ACOX3: variants seen among roughly 807,000 people sequenced by gnomAD.
ACOX3 encodes the protein acyl-CoA oxidase 3, pristanoyl.
Under a neutral mutation model 81.5 loss-of-function variants are expected in ACOX3, and 73 were observed. The ratio of observed to expected loss-of-function variants is 0.90; its 90% confidence interval spans 0.74 to 1.09. The LOEUF is 1.09. ACOX3 is among the 50% of genes least tolerant of loss of function. ACOX3 has a pLI of 0.00. For synonymous variants in ACOX3, 387 were observed against 375.1 expected, an observed-to-expected ratio of 1.03 and a Z score of -0.37; for missense variants, 947 against 928.0, an observed-to-expected ratio of 1.02 and a Z score of -0.27.
intron 17 of ACOX3, among the ~76,000 whole-genome samples, chr4:8,367,751 C>G (rs1715636302): frequency 8.1e-6 from 1 of 123,882 alleles, no homozygotes; most frequent in African/African-American, 3.0e-5. Context: ...AGGCAGATCA[C>G]TGGAGCTCAG....
chr4:8,398,024 G>A (rs1719917117), intron 8 of ACOX3, among the ~76,000 whole-genome samples: 1 of 152,196 alleles, frequency 6.6e-6, no homozygotes, highest in Non-Finnish European at 1.5e-5. Context: ...AGCCAGGCCT[G>A]GCGGCGGGTG....
intron 7 of ACOX3, among the ~76,000 whole-genome samples, chr4:8,402,795 C>CT (rs1720515068): frequency 6.6e-6 from 1 of 152,218 alleles, no homozygotes. Flanking sequence ...CACGGGAGGC[C>CT]TGAGTGTGGC....
At chr4:8,428,441 G>T (rs1355749290) in intron 1 of ACOX3, 2 of 152,426 alleles carry the variant, frequency 1.3e-5, no homozygotes, top group African/African-American at 4.8e-5. Flanking sequence ...CTCTGGCCTG[G>T]CCCCACTGCT....
chr4:8,386,748 C>T lies in ACOX3; in HGVS notation c.1537+2425G>A, dbSNP rs926189139. On this transcript the variant is annotated intron_variant, in intron 13 of 17. Transcript: ENST00000356406. The surrounding 1 kb of genome is among the most constrained non-coding windows in gnomAD (Gnocchi z 5.2). ...CAGTGATGCAGACGCTTCCTGATGA[C>T]GATGCTGACGGTGCGGGCAGGGGAA... Among the ~76,000 whole-genome samples, 1 of 152,110 alleles carries T rather than the reference C, an allele frequency of 6.6e-6. No individual in the cohort carries two copies. The highest frequency in any genetic ancestry group is 2.4e-5 in the African/African-American group (1 of 41,412).
At chr4:8,440,110 T>C (rs1724516055) in intron 1 of ACOX3, among the ~76,000 whole-genome samples, 1 of 152,242 alleles carries the variant, frequency 6.6e-6, no homozygotes. Flanking sequence ...GTTAGCTGAT[T>C]CATGTAGCCC....
chr4:8,368,976 A>C lies in ACOX3; in HGVS notation c.1984-1896T>G, dbSNP rs1056021123. Among the ~76,000 whole-genome samples the C allele has an allele frequency of 1.3e-5, 2 of 152,154 alleles. No individual in the cohort carries two copies. The highest frequency in any genetic ancestry group is 4.8e-5 in the African/African-American group (2 of 41,436). Reference sequence around the variant, plus strand: ...ATAACAGGTGTGAGCCACCATGCTCAGCCAGGAATGCACGTTTAATAAACC... The same window carrying C: ...ATAACAGGTGTGAGCCACCATGCTCCGCCAGGAATGCACGTTTAATAAACC... On this transcript the variant is annotated intron_variant, in intron 17 of 17. Transcript: ENST00000356406. This position sits in a 1 kb window ranked among gnomAD's most constrained non-coding sequence, Gnocchi z 5.9.
intron 9 of ACOX3, among the ~76,000 whole-genome samples, chr4:8,395,256 G>A (rs1399745152): frequency 7.2e-6 from 1 of 138,124 alleles, no homozygotes; most frequent in African/African-American, 2.6e-5. Context: ...ATGGGGGGGT[G>A]GGTGGGTGGG....
chr4:8,424,843 G>A (rs754347312), intron 1 of ACOX3, among the ~76,000 whole-genome samples: 7 of 150,988 alleles, frequency 4.6e-5, no homozygotes, highest in Admixed American at 6.6e-5. Context: ...GTATACTGAC[G>A]GAAGTTCCTT....
intron 17 of ACOX3, among the ~76,000 whole-genome samples, chr4:8,369,513 C>A (rs563403708): frequency 1.4e-4 from 21 of 152,296 alleles, no homozygotes; most frequent in Non-Finnish European, 2.8e-4. Flanking sequence ...GTGGTCAGTC[C>A]CCGATGCAGG....
At chr4:8,355,706 T>C in the ACOX3 span, 3 of 152,118 alleles carry the variant, frequency 2.0e-5, no homozygotes, top group South Asian at 2.1e-4. Flanking sequence ...ATGTAAACTA[T>C]AGCAGGTTAC....
chr4:8,396,836 A>G, intron 9 of ACOX3, 101 bp downstream of exon 9: 1 of 1,376,800 alleles, frequency 7.3e-7, no homozygotes, highest in Non-Finnish European at 1.0e-6. Context: ...TTGCCTTAAG[A>G]GCTTTGATCA....
Position 8,416,297 on chromosome 4 carries a change from G to T in ACOX3, c.144+81C>A. On this transcript the variant is annotated intron_variant, in intron 2 of 17. Transcript: ENST00000356406. This position sits in a 1 kb window ranked among gnomAD's most constrained non-coding sequence, Gnocchi z 4.2. ...CCTCGCCCGGCAGAGGAGGAGCTGT[G>T]AGAGCCAGAAATCCCATTCTGCTAA... The T allele has an allele frequency of 6.2e-7, 1 of 1,609,334 alleles. No homozygotes were observed. The highest frequency in any genetic ancestry group is 1.1e-5 in the South Asian group (1 of 90,728).
rs1194226327 is a variant in ACOX3, at chr4:8,403,150, G to A, written c.776+2805C>T. Among the ~76,000 whole-genome samples, 3 of 152,336 alleles carry A rather than the reference G, an allele frequency of 2.0e-5. No individual in the cohort carries two copies. The South Asian group carries it at 6.2e-4, about 32-fold the overall frequency. On this transcript the variant is annotated intron_variant, in intron 7 of 17. Coordinates refer to ENST00000356406, the MANE Select transcript of ACOX3 (RefSeq NM_003501.3). Reference sequence around the variant, plus strand: ...ATTTACGTTTACCTTGGATTTGTAGGCAGTCATCCCACATACTCAGGAGTT... The same window carrying A: ...ATTTACGTTTACCTTGGATTTGTAGACAGTCATCCCACATACTCAGGAGTT...
chr4:8,433,127 C>A (rs1724043317), intron 1 of ACOX3, among the ~76,000 whole-genome samples: 1 of 152,230 alleles, frequency 6.6e-6, no homozygotes, highest in Non-Finnish European at 1.5e-5. Flanking sequence ...TTTCTCCCTG[C>A]TCCCTGGACC....
intron 1 of ACOX3, among the ~76,000 whole-genome samples, chr4:8,435,711 C>CA (rs1333152043): frequency 6.6e-6 from 1 of 151,954 alleles, no homozygotes; most frequent in Non-Finnish European, 1.5e-5. Flanking sequence ...CAGCTTATTG[C>CA]AAAAAAGCCA....
In ACOX3 at chr4:8,419,360, G is replaced by A. The variant is rs369951387; in HGVS notation, c.-14-2825C>T. Among the ~76,000 whole-genome samples the A allele has an allele frequency of 1.3e-4, 20 of 151,806 alleles. No homozygotes were observed. Among genetic ancestry groups the A allele is most frequent in the East Asian group, 1.2e-3 (6 of 5,180 alleles). On this transcript the variant is annotated intron_variant, in intron 1 of 17. Transcript: ENST00000356406. The surrounding 1 kb of genome is among the most constrained non-coding windows in gnomAD (Gnocchi z 4.2). The stretch of plus-strand genomic sequence containing the variant: ...CTGAGGCAGAGAATTACTTAAACCC[G>A]GGAGGCAGAGATTGCAGTAGCCTAG...
chr4:8,392,149 G>A (rs112971453), intron 11 of ACOX3, among the ~76,000 whole-genome samples, 184 bp downstream of exon 11: 1,988 of 152,340 alleles, frequency 0.013, 47 homozygotes, highest in African/African-American at 0.045. Flanking sequence ...CTTGCAGTGC[G>A]AAAACAGCTG....
At chr4:8,428,894 G>A (rs923066302) in intron 1 of ACOX3, among the ~76,000 whole-genome samples, 2 of 152,326 alleles carry the variant, frequency 1.3e-5, no homozygotes, top group South Asian at 4.2e-4. Flanking sequence ...GGGCAACATA[G>A]TAAGACCCGG....
intron 17 of ACOX3, among the ~76,000 whole-genome samples, chr4:8,367,438 G>A (rs1247912300): frequency 6.6e-6 from 1 of 152,104 alleles, no homozygotes; most frequent in Non-Finnish European, 1.5e-5. Context: ...AGCCGAGATT[G>A]CACCACTGCA....
Sources: gnomAD v4.1 joint callset for allele counts (sites outside exome capture counted in the v4.1 genomes callset) on GRCh38, gnomAD v4.1.1 for gene constraint, Gnocchi (gnomAD v3.1) non-coding constraint, MANE v1.5 for transcripts, NCBI Gene and HGNC (gene_info 2026-07-23, HGNC 2026-07-21) for gene names.